The following SAMMSON variants were observed in gnomAD, a reference collection of about 807,000 sequenced individuals.
SAMMSON encodes survival associated mitochondrial melanoma specific oncogenic non-coding RNA.
At chr3:70,026,357 T>A (rs1218365266) in intron 3 of SAMMSON, among the ~76,000 whole-genome samples, 1 of 152,196 alleles carries the variant, frequency 6.6e-6, no homozygotes, top group African/African-American at 2.4e-5. Context: ...ATTCATTTTT[T>A]TCCATTCCTT....
At chr3:70,410,377 T>A (rs780383542) in intron 2 of SAMMSON, among the ~76,000 whole-genome samples, 27 of 152,332 alleles carry the variant, frequency 1.8e-4, no homozygotes, top group Middle Eastern at 3.4e-3. Context: ...CTTGGGCTTT[T>A]CATCCCCTAA....
At chr3:70,017,777 A>AT (rs2066992479) in intron 3 of SAMMSON, among the ~76,000 whole-genome samples, 1 of 152,122 alleles carries the variant, frequency 6.6e-6, no homozygotes, top group South Asian at 2.1e-4. Flanking sequence ...TAATTTATTG[A>AT]TAGGTTTTAG....
At chr3:70,357,684 T>A (rs1476119034) in intron 8 of SAMMSON, among the ~76,000 whole-genome samples, 1 of 151,876 alleles carries the variant, frequency 6.6e-6, no homozygotes, top group African/African-American at 2.4e-5. Flanking sequence ...CTGCACATTC[T>A]GCACATGTAT....
intron 4 of SAMMSON, among the ~76,000 whole-genome samples, chr3:70,229,620 A>G (rs1357773841): frequency 3.3e-5 from 5 of 152,184 alleles, no homozygotes; most frequent in Non-Finnish European, 7.3e-5. Context: ...ATGATTCTTC[A>G]CGTTTTATTC....
At chr3:70,284,085 A>G (rs981942530) in intron 6 of SAMMSON, among the ~76,000 whole-genome samples, 3 of 152,102 alleles carry the variant, frequency 2.0e-5, no homozygotes, top group African/African-American at 7.2e-5. Flanking sequence ...CCTCAGTTGG[A>G]CTGGTTTTCA....
At chr3:70,356,569 C>T (rs1702830816) in intron 8 of SAMMSON, among the ~76,000 whole-genome samples, 1 of 152,170 alleles carries the variant, frequency 6.6e-6, no homozygotes, top group African/African-American at 2.4e-5. Flanking sequence ...GAGATGTCAG[C>T]TCCTTTCTCT....
At chr3:70,159,192 T>C (rs1358511940) in intron 4 of SAMMSON, among the ~76,000 whole-genome samples, 1 of 152,122 alleles carries the variant, frequency 6.6e-6, no homozygotes, top group Non-Finnish European at 1.5e-5. Context: ...TTTTTTGTTA[T>C]ACTTTAACTT....
intron 6 of SAMMSON, among the ~76,000 whole-genome samples, chr3:70,268,409 A>G (rs1413892506): frequency 1.4e-5 from 2 of 138,104 alleles, no homozygotes. Flanking sequence ...CGGGAGGCGG[A>G]GGTGGCAGTG....
At chr3:70,193,257 T>A (rs1043849072) in intron 4 of SAMMSON, among the ~76,000 whole-genome samples, 2 of 152,178 alleles carry the variant, frequency 1.3e-5, no homozygotes, top group African/African-American at 4.8e-5. Context: ...CAGACCTCTG[T>A]TGGAGAAGCC....
chr3:70,093,676 A>G (rs1250559230), intron 4 of SAMMSON, among the ~76,000 whole-genome samples: 2 of 152,160 alleles, frequency 1.3e-5, no homozygotes, highest in African/African-American at 4.8e-5. Flanking sequence ...AGCTATGCAA[A>G]GAAGGAGTCA....
At position 70,241,814 on chromosome 3, in the gene SAMMSON, G is replaced by A. The variant is rs535182194; in HGVS notation, n.508-7293G>A. 2.6e-5 allele frequency among the ~76,000 whole-genome samples: 4 copies of A among 152,224 alleles called. No homozygotes were observed. In the East Asian group the frequency reaches 7.7e-4, roughly 29 times the overall value. ...AAATATTATACCTATTTTACAAATG[G>A]AGAAACTGAAACTCTGATGAAGTGA... On this transcript the variant is annotated intron_variant and non_coding_transcript_variant, in intron 4 of 9. Transcript: ENST00000642114.
At chr3:70,180,871 A>C (rs1304437583) in intron 4 of SAMMSON, among the ~76,000 whole-genome samples, 1 of 152,166 alleles carries the variant, frequency 6.6e-6, no homozygotes, top group Non-Finnish European at 1.5e-5. Context: ...CCCTAATTTA[A>C]ATTGAGGTTT....
rs570991378 is a variant in SAMMSON, at chr3:70,336,684, A to G, written n.740-17491A>G. Among the ~76,000 whole-genome samples, 5 of 152,152 alleles carry G rather than the reference A, an allele frequency of 3.3e-5. No homozygotes were observed. In the East Asian group the frequency reaches 9.6e-4, roughly 29 times the overall value. On this transcript the variant is annotated intron_variant and non_coding_transcript_variant, in intron 7 of 9. Transcript: ENST00000642114. The stretch of plus-strand genomic sequence containing the variant: ...GATGTCTGAGATGGACCTTGGTAGA[A>G]TAATTCAGTAGTTGAACTTACTAGC...
chr3:70,155,541 A>G (rs1332656193), intron 4 of SAMMSON, among the ~76,000 whole-genome samples: 1 of 152,084 alleles, frequency 6.6e-6, no homozygotes, highest in African/African-American at 2.4e-5. Context: ...TCTTAATAAG[A>G]TGAAGAATTT....
At chr3:70,098,150 C>A (rs2067329424) in intron 4 of SAMMSON, among the ~76,000 whole-genome samples, 1 of 152,126 alleles carries the variant, frequency 6.6e-6, no homozygotes, top group African/African-American at 2.4e-5. Context: ...TATTGCAGGG[C>A]AATTTTGCCT....
chr3:70,321,865 C>T (rs1431399637), intron 7 of SAMMSON, among the ~76,000 whole-genome samples: 1 of 151,886 alleles, frequency 6.6e-6, no homozygotes, highest in Non-Finnish European at 1.5e-5. Context: ...ATTTCTTACC[C>T]TCCCAAAATT....
intron 3 of SAMMSON, among the ~76,000 whole-genome samples, chr3:70,020,933 A>C (rs547237894): frequency 6.6e-6 from 1 of 152,186 alleles, no homozygotes; most frequent in Non-Finnish European, 1.5e-5. Flanking sequence ...AGAAAGTGAG[A>C]AAATGGCAGA....
rs200312715 is a variant in SAMMSON at position 70,191,895 on chromosome 3, A to G, written n.508-57212A>G. On this transcript the variant is annotated intron_variant and non_coding_transcript_variant, in intron 4 of 9. Transcript: ENST00000642114. ...TTAAGACTCTTTCCCTAAAAAAAAA[A>G]AAAAAGGAAATAATAATAAAATCTA... is the stretch of plus-strand genomic sequence containing the variant. Among the ~76,000 whole-genome samples, 119 of 151,930 alleles carry G rather than the reference A, an allele frequency of 7.8e-4. 1 individual carries two copies. In the East Asian group the frequency reaches 0.021, roughly 27 times the overall value.
chr3:70,117,412 T>G (rs1202766043), intron 4 of SAMMSON, among the ~76,000 whole-genome samples: 3 of 152,228 alleles, frequency 2.0e-5, no homozygotes, highest in African/African-American at 7.2e-5. Context: ...ATGTCTTGTC[T>G]GTTTGAAATG....
Sources: allele counts gnomAD v4.1 joint callset (sites outside exome capture counted in the v4.1 genomes callset), GRCh38; gene constraint gnomAD v4.1.1; transcripts MANE v1.5; gene names NCBI Gene and HGNC (gene_info 2026-07-23, HGNC 2026-07-21).